Variants in FAR2 observed in about 807,000 individuals in gnomAD.
The protein encoded by FAR2 is fatty acyl-CoA reductase 2.
Under a neutral mutation model 56.0 loss-of-function variants are expected in FAR2, and 19 were observed. That is an observed-to-expected ratio of 0.34 (90% CI 0.24 to 0.50). FAR2 has a LOEUF of 0.50. FAR2 is among the 20% of genes least tolerant of loss of function. FAR2 has a pLI of 0.98. For missense variants in FAR2, 508 were observed against 642.2 expected (o/e 0.79, Z 2.26); for synonymous variants, 219 against 218.8 (o/e 1.00, Z -0.01).
chr12:29,261,032 T>G (rs541672468), intron 1 of FAR2, among the ~76,000 whole-genome samples: 23 of 152,308 alleles, frequency 1.5e-4, no homozygotes, highest in Non-Finnish European at 3.2e-4. Context: ...CAAGAAGGAT[T>G]GATGCAAATG....
chr12:29,246,979 ATTCATAATAT>A (rs1040143286), intron 1 of FAR2, among the ~76,000 whole-genome samples: 13 of 152,130 alleles, frequency 8.5e-5, no homozygotes, highest in Non-Finnish European at 1.2e-4. Context: ...TTATTTCATA[ATTCATAATAT>A]TTCATAATAT....
At chr12:29,312,745 T>G (rs1949375335) in intron 8 of FAR2, among the ~76,000 whole-genome samples, 1 of 152,128 alleles carries the variant, frequency 6.6e-6, no homozygotes, top group Non-Finnish European at 1.5e-5. Context: ...GTTTGGCTAT[T>G]CTGTAGGATT....
intron 1 of FAR2, among the ~76,000 whole-genome samples, chr12:29,152,533 G>A (rs1028224391): frequency 1.1e-4 from 17 of 152,220 alleles, no homozygotes; most frequent in Admixed American, 8.5e-4. Flanking sequence ...GAATAAAATA[G>A]TGTGAAAGGG....
chr12:29,299,213 CAAAAAAAAA>C (rs71042981), intron 4 of FAR2, among the ~76,000 whole-genome samples: 2 of 103,592 alleles, frequency 1.9e-5, no homozygotes, highest in East Asian at 2.6e-4. Flanking sequence ...AACTTTGTCT[CAAAAAAAAA>C]AAAAAAAAAA....
intron 1 of FAR2, among the ~76,000 whole-genome samples, chr12:29,228,374 A>C (rs1453813875): frequency 6.6e-6 from 1 of 152,122 alleles, no homozygotes; most frequent in Non-Finnish European, 1.5e-5. Flanking sequence ...TCTTAGAATT[A>C]AAGTCACTTT....
rs1250708463 is a variant in FAR2 at position 29,178,538 on chromosome 12, TGGCAGGCACATTGTG to T, written c.-39+29133_-39+29147del. On this transcript the variant is annotated intron_variant, in intron 1 of 11. Transcript: ENST00000536681. Reference sequence around the variant, plus strand: ...TTGAGCCTGGGACGTCGAGTCACAGTGGCAGGCACATTGTGGCAGTGAGCCACAATAGTGCCACTG... The same window carrying T: ...TTGAGCCTGGGACGTCGAGTCACAGTGCAGTGAGCCACAATAGTGCCACTG... 8.3e-4 allele frequency among the ~76,000 whole-genome samples: 126 copies of T among 152,296 alleles called. 1 individual carries two copies. Among genetic ancestry groups the T allele is most frequent in the African/African-American group, 2.9e-3 (119 of 41,572 alleles).
chr12:29,307,771 G>A lies in FAR2; in HGVS notation c.659G>A (p.Arg220Lys), dbSNP rs775537295. The A allele has an allele frequency of 1.9e-6, 3 of 1,613,386 alleles. No individual in the cohort carries two copies. Among genetic ancestry groups the A allele is most frequent in the Non-Finnish European group, 2.5e-6 (3 of 1,179,908 alleles). ...LGEMVVQQESRNLNIAIIRPS... is the reference protein window; with the variant it reads ...LGEMVVQQESKNLNIAIIRPS... ...GAAATGGTGGTGCAGCAAGAGAGCA[G>A]GAACCTGAACATTGCCATCATAAGG... Residue 220 changes from arginine (R) to lysine (K), a missense_variant, in exon 5 of 12, where the codon AGG becomes AAG. Transcript: ENST00000536681.
At chr12:29,176,926 A>T (rs557951032) in intron 1 of FAR2, among the ~76,000 whole-genome samples, 1 of 152,368 alleles carries the variant, frequency 6.6e-6, no homozygotes, top group South Asian at 2.1e-4. Flanking sequence ...CAGAAATTAT[A>T]GGTTAAATTA....
At chr12:29,175,998 A>C (rs1949934580) in intron 1 of FAR2, among the ~76,000 whole-genome samples, 1 of 152,206 alleles carries the variant, frequency 6.6e-6, no homozygotes. Flanking sequence ...TCAAAAGTAA[A>C]AGCTAGGTGA....
intron 1 of FAR2, among the ~76,000 whole-genome samples, chr12:29,180,045 A>G (rs1210982909): frequency 6.6e-6 from 1 of 152,134 alleles, no homozygotes; most frequent in Non-Finnish European, 1.5e-5. Flanking sequence ...CCTTGAGACA[A>G]TTCAATAGTT....
At chr12:29,153,093 CT>C (rs758327369) in intron 1 of FAR2, among the ~76,000 whole-genome samples, 17 of 152,258 alleles carry the variant, frequency 1.1e-4, no homozygotes, top group Non-Finnish European at 2.2e-4. Flanking sequence ...TGACCAGACA[CT>C]GTGCCAGCTT....
At chr12:29,268,445 G>A (rs907940783) in intron 1 of FAR2, among the ~76,000 whole-genome samples, 20 of 152,322 alleles carry the variant, frequency 1.3e-4, no homozygotes, top group Middle Eastern at 3.4e-3. Context: ...GTTGCATCTG[G>A]CTTCCTGCTA....
intron 1 of FAR2, among the ~76,000 whole-genome samples, chr12:29,220,562 A>G (rs1246915361): frequency 6.6e-6 from 1 of 152,190 alleles, no homozygotes; most frequent in Non-Finnish European, 1.5e-5. Flanking sequence ...CTATTTAAAA[A>G]GTAACTGACA....
At chr12:29,223,093 T>C (rs1947716001) in intron 1 of FAR2, among the ~76,000 whole-genome samples, 1 of 152,116 alleles carries the variant, frequency 6.6e-6, no homozygotes, top group African/African-American at 2.4e-5. Context: ...CTCCCAACAG[T>C]CTATTGGGAG....
At chr12:29,309,375 T>C in intron 6 of FAR2, 145 bp downstream of exon 6, 1 of 676,164 alleles carries the variant, frequency 1.5e-6, no homozygotes, top group Non-Finnish European at 2.6e-6. Context: ...ATTGTTCTGA[T>C]TGTAATATAC....
rs1226333188 is a variant in FAR2, at chr12:29,333,634, T to C, written c.1388T>C (p.Leu463Pro). The change falls in exon 12 of 12, where the codon CTC (leucine) becomes CCC (proline). Residue 463 changes from leucine to proline, a missense_variant and splice_region_variant. Physicochemically the swap from Leu to Pro is moderately conservative, Grantham distance 98 (BLOSUM62 -3). Coordinates refer to ENST00000536681, the MANE Select transcript of FAR2 (RefSeq NM_001271783.2). ...IPKAKQRLKR[L>P]RNIHYLFNTA... is the part of the protein sequence containing the mutation. Reference sequence around the variant, plus strand: ...GGTTATGTCTGTCTGTTCCCTAGGCTCCGAAATATTCACTACCTCTTTAAT... The same window carrying C: ...GGTTATGTCTGTCTGTTCCCTAGGCCCCGAAATATTCACTACCTCTTTAAT... 6.2e-7 allele frequency: 1 copy of C among 1,612,600 alleles called. No individual in the cohort carries two copies.
At chr12:29,332,869 G>A (rs1027158634) in intron 11 of FAR2, 142 bp downstream of exon 11, 1 of 804,940 alleles carries the variant, frequency 1.2e-6, no homozygotes. Context: ...ACTCTACCCT[G>A]TAACACAGTT....
rs981737526 is a variant in FAR2 at position 29,267,891 on chromosome 12, G to T, written c.-38-2521G>T. 2.0e-5 allele frequency among the ~76,000 whole-genome samples: 3 copies of T among 152,118 alleles called. No individual in the cohort carries two copies. In the East Asian group the frequency reaches 5.8e-4, roughly 29 times the overall value. On this transcript the variant is annotated intron_variant, in intron 1 of 11. Transcript: ENST00000536681. ...AGCATGTGCAGCAGTCTATGATCTTGTTTATATGTTTATTTGACTTTGCAT... is the reference window on the plus strand; with the variant it reads ...AGCATGTGCAGCAGTCTATGATCTTTTTTATATGTTTATTTGACTTTGCAT...
At chr12:29,152,191 G>T in intron 1 of FAR2, among the ~76,000 whole-genome samples, 1 of 152,170 alleles carries the variant, frequency 6.6e-6, no homozygotes, top group East Asian at 1.9e-4. Context: ...TCCAAACGTC[G>T]AACGGTGAGA....
Sources: allele counts gnomAD v4.1 joint callset (sites outside exome capture counted in the v4.1 genomes callset), GRCh38; gene constraint gnomAD v4.1.1; transcripts MANE v1.5; gene names NCBI Gene and HGNC (gene_info 2026-07-23, HGNC 2026-07-21).